Variants in CEACAM5 observed in about 807,000 individuals in gnomAD.
The protein encoded by CEACAM5 is CEA cell adhesion molecule 5.
CEACAM5 carries 52 observed loss-of-function variants against 63.0 expected under a neutral mutation model. The ratio of observed to expected loss-of-function variants is 0.83; its 90% confidence interval spans 0.66 to 1.04. CEACAM5 has a LOEUF of 1.04. CEACAM5 is among the 50% of genes least tolerant of loss of function. CEACAM5 has a pLI of 0.00. For synonymous variants in CEACAM5, 357 were observed against 351.3 expected (o/e 1.02, Z -0.18); for missense variants, 790 against 864.8 (o/e 0.91, Z 1.08).
intron 5 of CEACAM5, 51 bp downstream of exon 5, chr19:41,717,784 T>G: frequency 6.3e-7 from 1 of 1,596,206 alleles, no homozygotes; most frequent in African/African-American, 1.3e-5. Context: ...CAAATCCACA[T>G]AGCCAAAGTC....
At chr19:41,710,929 T>C (rs543419324) in intron 2 of CEACAM5, among the ~76,000 whole-genome samples, 32 of 152,304 alleles carry the variant, frequency 2.1e-4, no homozygotes, top group African/African-American at 7.7e-4. Context: ...ATCCTACTTA[T>C]TGAAAGGAAA....
chr19:41,710,435 CA>C (rs1483222104), intron 2 of CEACAM5, among the ~76,000 whole-genome samples: 1 of 152,166 alleles, frequency 6.6e-6, no homozygotes, highest in Non-Finnish European at 1.5e-5. Flanking sequence ...CCAGGTGACT[CA>C]GGGGAGCCTG....
chr19:41,709,671 C>G lies in CEACAM5; in HGVS notation c.65-9C>G, dbSNP rs1336426401. 6.2e-7 allele frequency: 1 copy of G among 1,609,862 alleles called. No homozygotes were observed. The highest frequency in any genetic ancestry group is 2.2e-5 in the East Asian group (1 of 44,834). On this transcript the variant is annotated splice_polypyrimidine_tract_variant and intron_variant, in intron 1 of 9. Transcript: ENST00000221992. ...CCAATATTGACCGATGCTCTCTGCT[C>G]TCTCCTAGCCTCACTTCTAACCTTC...
At chr19:41,722,237 G>A (rs2072632720) in intron 8 of CEACAM5, among the ~76,000 whole-genome samples, 1 of 151,394 alleles carries the variant, frequency 6.6e-6, no homozygotes, top group Admixed American at 6.6e-5. Flanking sequence ...GGTGGTGGGT[G>A]CCTGTAATCC....
intron 5 of CEACAM5, 138 bp from the exon 6 acceptor site, chr19:41,717,990 A>T: frequency 9.3e-7 from 1 of 1,073,568 alleles, no homozygotes; most frequent in Non-Finnish European, 1.4e-6. Context: ...GACTCTGGCT[A>T]ATTGGATACA....
At chr19:41,719,859 T>C in intron 6 of CEACAM5, 71 bp from the exon 7 acceptor site, 2 of 1,598,804 alleles carry the variant, frequency 1.3e-6, no homozygotes, top group Admixed American at 1.7e-5. Flanking sequence ...AGTTGCCAAC[T>C]CTGATTGAAA....
In CEACAM5 at chr19:41,720,022, A is replaced by G. The variant is rs782181374; in HGVS notation, c.1585A>G (p.Asn529Asp). Residue 529 changes from asparagine (N) to aspartate (D), a missense_variant, in exon 7 of 10, where the codon AAC (asparagine) becomes GAC (aspartate). Coordinates refer to ENST00000221992, the MANE Select transcript of CEACAM5 (RefSeq NM_004363.6). The stretch of plus-strand genomic sequence containing the variant: ...CTTCACCTGTGAACCTGAGGCTCAG[A>G]ACACAACCTACCTGTGGTGGGTAAA... Reference protein sequence around the residue: ...VAFTCEPEAQNTTYLWWVNGQ... With the variant: ...VAFTCEPEAQDTTYLWWVNGQ... 1.2e-6 allele frequency: 2 copies of G among 1,614,238 alleles called. No homozygotes were observed. The highest frequency in any genetic ancestry group is 1.1e-5 in the South Asian group (1 of 91,086).
At position 41,709,676 on chromosome 19, in the gene CEACAM5, C is replaced by T. The variant is rs782183093; in HGVS notation, c.65-4C>T. ...ATTGACCGATGCTCTCTGCTCTCTCCTAGCCTCACTTCTAACCTTCTGGAA... is the reference window on the plus strand; with the variant it reads ...ATTGACCGATGCTCTCTGCTCTCTCTTAGCCTCACTTCTAACCTTCTGGAA... On this transcript the variant is annotated splice_region_variant and splice_polypyrimidine_tract_variant and intron_variant, in intron 1 of 9. Coordinates refer to ENST00000221992, the MANE Select transcript of CEACAM5 (RefSeq NM_004363.6). The T allele has an allele frequency of 1.2e-5, 20 of 1,612,354 alleles. No homozygotes were observed. Among genetic ancestry groups the T allele is most frequent in the Non-Finnish European group, 1.7e-5 (20 of 1,178,990 alleles).
intron 9 of CEACAM5, among the ~76,000 whole-genome samples, chr19:41,728,110 ACTGAGAAC>A (rs1268200827): frequency 6.6e-6 from 1 of 152,210 alleles, no homozygotes; most frequent in African/African-American, 2.4e-5. Context: ...TGTGCCTGTG[ACTGAGAAC>A]CTTTTCCTGA....
At chr19:41,717,088 G>A (rs1427344507) in intron 4 of CEACAM5, among the ~76,000 whole-genome samples, 1 of 152,206 alleles carries the variant, frequency 6.6e-6, no homozygotes, top group African/African-American at 2.4e-5. Context: ...GGACTGTGCA[G>A]CTGGAAGAAA....
At chr19:41,723,189 G>A (rs1047788548) in intron 8 of CEACAM5, among the ~76,000 whole-genome samples, 1 of 152,136 alleles carries the variant, frequency 6.6e-6, no homozygotes, top group Non-Finnish European at 1.5e-5. Flanking sequence ...TGGGATTACA[G>A]GCATGAGCCA....
At chr19:41,722,251 C>T (rs1255020585) in intron 8 of CEACAM5, among the ~76,000 whole-genome samples, 2 of 151,152 alleles carry the variant, frequency 1.3e-5, no homozygotes, top group Non-Finnish European at 2.9e-5. Flanking sequence ...GTAATCCCAG[C>T]TACTCGGGAG....
At chr19:41,722,667 A>C (rs1231154683) in intron 8 of CEACAM5, among the ~76,000 whole-genome samples, 1 of 152,222 alleles carries the variant, frequency 6.6e-6, no homozygotes, top group Non-Finnish European at 1.5e-5. Context: ...CATGTATCAC[A>C]ATTTCTTCCT....
At chr19:41,722,939 G>T (rs368497891) in intron 8 of CEACAM5, among the ~76,000 whole-genome samples, 1 of 151,898 alleles carries the variant, frequency 6.6e-6, no homozygotes. Flanking sequence ...ATGGAGTCTC[G>T]CTCTGTCGAC....
At chr19:41,722,948 A>C (rs782266111) in intron 8 of CEACAM5, among the ~76,000 whole-genome samples, 11 of 151,968 alleles carry the variant, frequency 7.2e-5, no homozygotes, top group South Asian at 2.1e-4. Flanking sequence ...CGCTCTGTCG[A>C]CCAGGCTGGA....
intron 2 of CEACAM5, among the ~76,000 whole-genome samples, chr19:41,710,676 A>G (rs1023966621): frequency 4.6e-5 from 7 of 152,128 alleles, no homozygotes; most frequent in Non-Finnish European, 5.9e-5. Context: ...GTGTCAGTCC[A>G]TTGCCCTGGG....
Position 41,717,438 on chromosome 19 carries a change from C to T in CEACAM5, c.959-17C>T, listed in dbSNP as rs781986226. The T allele has an allele frequency of 1.2e-6, 2 of 1,605,454 alleles. No homozygotes were observed. The highest frequency in any genetic ancestry group is 2.2e-5 in the South Asian group (2 of 89,752). ...CAGGTGCCACACAGGGCAATCTTCT[C>T]TCTGTTATCTGCACAGCAGAGCCAC... is the stretch of plus-strand genomic sequence containing the variant. On this transcript the variant is annotated splice_polypyrimidine_tract_variant and intron_variant, in intron 4 of 9. Transcript: ENST00000221992.
Position 41,719,928 on chromosome 19 carries a change from A to C in CEACAM5, c.1493-2A>C, listed in dbSNP as rs782432639. 1.2e-6 allele frequency: 2 copies of C among 1,614,204 alleles called. No homozygotes were observed. The highest frequency in any genetic ancestry group is 1.7e-6 in the Non-Finnish European group (2 of 1,180,044). On this transcript the variant is annotated splice_acceptor_variant, in intron 6 of 9. Coordinates refer to ENST00000221992, the MANE Select transcript of CEACAM5 (RefSeq NM_004363.6). LOFTEE classifies it high-confidence loss of function. ...GCAATCTTCTCTCTGTTATCTGCACAGCGGAGCTGCCCAAGCCCTCCATCT... is the reference window on the plus strand; with the variant it reads ...GCAATCTTCTCTCTGTTATCTGCACCGCGGAGCTGCCCAAGCCCTCCATCT...
chr19:41,710,719 C>T (rs1381456499), intron 2 of CEACAM5, among the ~76,000 whole-genome samples: 1 of 152,066 alleles, frequency 6.6e-6, no homozygotes, highest in Admixed American at 6.6e-5. Context: ...GCTCAGTGTC[C>T]CCAGGAAGAG....
Sources: allele counts gnomAD v4.1 joint callset (sites outside exome capture counted in the v4.1 genomes callset), GRCh38; gene constraint gnomAD v4.1.1; transcripts MANE v1.5; gene names NCBI Gene and HGNC (gene_info 2026-07-23, HGNC 2026-07-21).